Variants in ABLIM2 observed in about 807,000 individuals in gnomAD.
The protein encoded by ABLIM2 is actin binding LIM protein family member 2.
In ABLIM2, 53 loss-of-function variants were observed where a neutral mutation model predicts 97.7. The observed-to-expected ratio is 0.54, with a 90% confidence interval of 0.44 to 0.68. The LOEUF is 0.68. Among genes scored for constraint, ABLIM2 ranks in the 30% least tolerant of loss-of-function variants. The pLI, the probability that ABLIM2 is intolerant of heterozygous loss-of-function variation, is 0.00. For missense variants in ABLIM2, 835 were observed against 867.2 expected (o/e 0.96, Z 0.47); for synonymous variants, 361 against 345.8 (o/e 1.04, Z -0.49).
chr4:7,993,704 G>C (rs1017334125), intron 16 of ABLIM2, among the ~76,000 whole-genome samples: 2 of 152,144 alleles, frequency 1.3e-5, no homozygotes, highest in Non-Finnish European at 2.9e-5. Flanking sequence ...AAAATCCTGA[G>C]TTGCTTGCAA....
chr4:8,127,731 G>T lies in ABLIM2; in HGVS notation c.11-21094C>A, dbSNP rs879021913. 2.0e-6 allele frequency: 2 copies of T among 984,184 alleles called. No homozygotes were observed. The highest frequency in any genetic ancestry group is 4.7e-5 in the South Asian group (1 of 21,260). 61.0% of individuals were successfully genotyped at this position (984,184 alleles called of 1,614,324 possible). A position where few individuals can be genotyped will look rare whatever the true frequency, so the allele number is the denominator to read the frequency against. On this transcript the variant is annotated intron_variant, in intron 1 of 20. Transcript: ENST00000447017. The surrounding 1 kb of genome is among the most constrained non-coding windows in gnomAD (Gnocchi z 7.3). ...ACGTGGCAGCTGCCACCCTCTGCCC[G>T]GGGAGGGGCAGAGCCAAGCCCTTCC...
At chr4:8,014,924 CTTTTTT>C (rs72140876) in intron 14 of ABLIM2, among the ~76,000 whole-genome samples, 3 of 141,268 alleles carry the variant, frequency 2.1e-5, no homozygotes, top group Non-Finnish European at 4.6e-5. Context: ...TCCTTTCTTT[CTTTTTT>C]TTTTTTTTTT....
chr4:7,976,356 C>A (rs907484681), intron 20 of ABLIM2, among the ~76,000 whole-genome samples: 1 of 152,212 alleles, frequency 6.6e-6, no homozygotes, highest in African/African-American at 2.4e-5. Flanking sequence ...TCATGCTTTG[C>A]CCCAGACCCA....
chr4:8,009,033 C>G lies in ABLIM2; in HGVS notation c.1476+17G>C, dbSNP rs1305099309. The G allele has an allele frequency of 1.2e-6, 2 of 1,613,720 alleles. No individual in the cohort carries two copies. Among genetic ancestry groups the G allele is most frequent in the Non-Finnish European group, 1.7e-6 (2 of 1,179,736 alleles). The stretch of plus-strand genomic sequence containing the variant: ...TGAGCAAGGCTGTTCTCAGCCAGAT[C>G]TGCTCCCTGGCATTACCTTCCTGTT... On this transcript the variant is annotated intron_variant, in intron 15 of 20. Coordinates refer to ENST00000447017, the MANE Select transcript of ABLIM2 (RefSeq NM_001130083.2).
chr4:8,059,762 C>T lies in ABLIM2; in HGVS notation c.763+1205G>A, dbSNP rs1235583333. ...ACTAAAAATACAAAAAAAAATTAGC[C>T]GGGTATGGTGGTGCATGCCTGTAAT... On this transcript the variant is annotated intron_variant, in intron 7 of 20. Coordinates refer to ENST00000447017, the MANE Select transcript of ABLIM2 (RefSeq NM_001130083.2). Among the ~76,000 whole-genome samples the T allele has an allele frequency of 3.3e-5, 5 of 151,868 alleles. No homozygotes were observed. The East Asian group carries it at 5.8e-4, about 18-fold the overall frequency.
At position 7,966,968 on chromosome 4, in the gene ABLIM2, C is replaced by T; in HGVS notation, c.*22G>A. On this transcript the variant is annotated 3_prime_UTR_variant, in exon 21 of 21. Transcript: ENST00000447017. Reference sequence around the variant, plus strand: ...CCTGGCCTCGGCGCCCGGCACACACCAGTGGGGCAGGCTGGCAGCCGTCAG... The same window carrying T: ...CCTGGCCTCGGCGCCCGGCACACACTAGTGGGGCAGGCTGGCAGCCGTCAG... 1.2e-6 allele frequency: 2 copies of T among 1,601,034 alleles called. No individual in the cohort carries two copies. Among genetic ancestry groups the T allele is most frequent in the Admixed American group, 1.7e-5 (1 of 59,962 alleles).
intron 20 of ABLIM2, among the ~76,000 whole-genome samples, chr4:7,975,285 C>A (rs1381799459): frequency 6.6e-6 from 1 of 152,208 alleles, no homozygotes; most frequent in East Asian, 1.9e-4. Flanking sequence ...CTCTCAGCAA[C>A]ACCTTAGTTT....
At chr4:8,090,704 T>C (rs1409167772) in intron 3 of ABLIM2, among the ~76,000 whole-genome samples, 6 of 152,066 alleles carry the variant, frequency 3.9e-5, no homozygotes, top group Non-Finnish European at 8.8e-5. Flanking sequence ...ATTAGATTTG[T>C]CTTTTTTTTT....
At position 8,032,681 on chromosome 4, in the gene ABLIM2, C is replaced by A. The variant is rs775187775; in HGVS notation, c.1048-2905G>T. On this transcript the variant is annotated intron_variant, in intron 10 of 20. Coordinates refer to ENST00000447017, the MANE Select transcript of ABLIM2 (RefSeq NM_001130083.2). This position sits in a 1 kb window ranked among gnomAD's most constrained non-coding sequence, Gnocchi z 4.3. ...GCGTTGGCGAGAGCAACTGAGGGGA[C>A]TGTGGACACAACACACAAAGTGGCC... 6.2e-7 allele frequency: 1 copy of A among 1,612,524 alleles called. No individual in the cohort carries two copies. Among genetic ancestry groups the A allele is most frequent in the South Asian group, 1.1e-5 (1 of 91,072 alleles).
chr4:8,083,201 G>A lies in ABLIM2; in HGVS notation c.455-2399C>T, dbSNP rs1821045514. ...AGCACAGCACATGGGGCTGTGTGTCGACCAGAGGACAGACAGCAGACAGCA... is the reference window on the plus strand; with the variant it reads ...AGCACAGCACATGGGGCTGTGTGTCAACCAGAGGACAGACAGCAGACAGCA... On this transcript the variant is annotated intron_variant, in intron 4 of 20. Coordinates refer to ENST00000447017, the MANE Select transcript of ABLIM2 (RefSeq NM_001130083.2). This position sits in a 1 kb window ranked among gnomAD's most constrained non-coding sequence, Gnocchi z 4.6. 2.6e-5 allele frequency among the ~76,000 whole-genome samples: 4 copies of A among 152,182 alleles called. No homozygotes were observed. Among genetic ancestry groups the A allele is most frequent in the Non-Finnish European group, 5.9e-5 (4 of 68,042 alleles).
rs1756907712 is a variant in ABLIM2 at position 8,001,136 on chromosome 4, C to T, written c.1618+6923G>A. ...GTCCATCTGAGGAAGACGGGCACCC[C>T]TCATCCCTGAGCAGCGGTGAATGAA... is the stretch of plus-strand genomic sequence containing the variant. On this transcript the variant is annotated intron_variant, in intron 16 of 20. Transcript: ENST00000447017. This position sits in a 1 kb window ranked among gnomAD's most constrained non-coding sequence, Gnocchi z 4.2. Among the ~76,000 whole-genome samples, 2 of 152,190 alleles carry T rather than the reference C, an allele frequency of 1.3e-5. No individual in the cohort carries two copies. Among genetic ancestry groups the T allele is most frequent in the South Asian group, 2.1e-4 (1 of 4,824 alleles).
In ABLIM2 at chr4:8,079,949, T is replaced by A. The variant is rs77854574; in HGVS notation, c.581+727A>T. ...TCTGCGCTCAGAGGAGCTGCCCGCCTTCAGCTCGTCCACATATTCGCCCCT... is the reference window on the plus strand; with the variant it reads ...TCTGCGCTCAGAGGAGCTGCCCGCCATCAGCTCGTCCACATATTCGCCCCT... On this transcript the variant is annotated intron_variant, in intron 5 of 20. Transcript: ENST00000447017. 3.3e-4 allele frequency among the ~76,000 whole-genome samples: 51 copies of A among 152,322 alleles called. 1 individual carries two copies. In the East Asian group the frequency reaches 9.5e-3, roughly 28 times the overall value.
chr4:8,149,517 C>G lies in ABLIM2; in HGVS notation c.10+9163G>C, dbSNP rs936648996. 6.6e-6 allele frequency among the ~76,000 whole-genome samples: 1 copy of G among 151,912 alleles called. No individual in the cohort carries two copies. Among genetic ancestry groups the G allele is most frequent in the African/African-American group, 2.4e-5 (1 of 41,352 alleles). On this transcript the variant is annotated intron_variant, in intron 1 of 20. Transcript: ENST00000447017. The surrounding 1 kb of genome is among the most constrained non-coding windows in gnomAD (Gnocchi z 6.4). ...CACAGGTTCAGAGGAAGGAGGGAAG[C>G]AGAGGGCCTAGAGATGGGAAGAAAG... is the stretch of plus-strand genomic sequence containing the variant.
intron 1 of ABLIM2, among the ~76,000 whole-genome samples, chr4:8,137,291 T>C (rs974427250): frequency 6.6e-6 from 1 of 152,176 alleles, no homozygotes; most frequent in Non-Finnish European, 1.5e-5. Context: ...GGTGAGACAG[T>C]CCCTGCTCTG....
At chr4:7,990,039 T>C (rs1170086308) in intron 17 of ABLIM2, among the ~76,000 whole-genome samples, 1 of 152,124 alleles carries the variant, frequency 6.6e-6, no homozygotes, top group Non-Finnish European at 1.5e-5. Flanking sequence ...TGGGCCCTTG[T>C]AACAAATCCT....
At chr4:8,029,444 C>T (rs139396318) in intron 11 of ABLIM2, among the ~76,000 whole-genome samples, 1,589 of 152,290 alleles carry the variant, frequency 0.01, 25 homozygotes, top group African/African-American at 0.037. Context: ...CAGCTCACCT[C>T]GCCCCAAGGC....
At position 8,034,905 on chromosome 4, in the gene ABLIM2, C is replaced by T. The variant is rs993083106; in HGVS notation, c.1047+1244G>A. 3.0e-4 allele frequency among the ~76,000 whole-genome samples: 14 copies of T among 46,654 alleles called. 1 individual carries two copies. The South Asian group carries it at 9.9e-3, about 33-fold the overall frequency. 30.6% of individuals were successfully genotyped at this position (46,654 alleles called of 152,430 possible). A position where few individuals can be genotyped will look rare whatever the true frequency, so the allele number is the denominator to read the frequency against. ...TCGGTGGGTGGTAGGTAGGTGGGTG[C>T]GGGTGGGTGGTGGGTGGTAGGTAGG... is the stretch of plus-strand genomic sequence containing the variant. On this transcript the variant is annotated intron_variant, in intron 10 of 20. Coordinates refer to ENST00000447017, the MANE Select transcript of ABLIM2 (RefSeq NM_001130083.2).
chr4:8,045,256 AG>A lies in ABLIM2; in HGVS notation c.823-16del. The A allele has an allele frequency of 6.2e-7, 1 of 1,610,878 alleles. No homozygotes were observed. Among genetic ancestry groups the A allele is most frequent in the Non-Finnish European group, 8.5e-7 (1 of 1,176,990 alleles). On this transcript the variant is annotated splice_polypyrimidine_tract_variant and intron_variant, in intron 8 of 20. Transcript: ENST00000447017. ...GTTCTGGTTTCCTGAGAAAGGAGAG[AG>A]GAAGAGATTGAAGGCAGGTACCAAC... is the stretch of plus-strand genomic sequence containing the variant.
chr4:8,018,758 G>C (rs914997302), intron 14 of ABLIM2, among the ~76,000 whole-genome samples: 1 of 152,238 alleles, frequency 6.6e-6, no homozygotes, highest in Admixed American at 6.5e-5. Flanking sequence ...ATCTGGACAA[G>C]AACGTTTAAT....
Sources: allele counts gnomAD v4.1 joint callset (sites outside exome capture counted in the v4.1 genomes callset), GRCh38; gene constraint gnomAD v4.1.1; non-coding constraint Gnocchi (gnomAD v3.1); transcripts MANE v1.5; gene names NCBI Gene and HGNC (gene_info 2026-07-23, HGNC 2026-07-21).